Variants in SDK1 observed in about 807,000 individuals in gnomAD.
SDK1 encodes the protein sidekick cell adhesion molecule 1.
A neutral mutation model predicts 245.5 loss-of-function variants in SDK1; 157 were observed. The ratio of observed to expected loss-of-function variants is 0.64; its 90% CI spans 0.56 to 0.73. The LOEUF (loss-of-function observed/expected upper bound fraction) is 0.73. Ranked by LOEUF, SDK1 falls within the 30% of genes least tolerant of loss-of-function variation. SDK1 has a pLI of 0.00. For missense variants in SDK1, 3,583 were observed against 3,002.3 expected, an observed-to-expected ratio of 1.19 and a Z score of -4.52; for synonymous variants, 1,647 against 1,278.5, an observed-to-expected ratio of 1.29 and a Z score of -6.15.
intron 35 of SDK1, among the ~76,000 whole-genome samples, chr7:4,194,319 TGTATGC>T (rs1476426348): frequency 6.5e-4 from 76 of 116,794 alleles, no homozygotes; most frequent in African/African-American, 2.1e-3. Context: ...TATACATATA[TGTATGC>T]ACGTATGTGT....
chr7:4,152,701 G>A (rs1780466280), intron 30 of SDK1, among the ~76,000 whole-genome samples: 2 of 152,226 alleles, frequency 1.3e-5, no homozygotes, highest in South Asian at 2.1e-4. Context: ...TCCCAGGAAA[G>A]TGATATTTTG....
At chr7:3,931,250 T>TA (rs1779967425) in intron 5 of SDK1, among the ~76,000 whole-genome samples, 1 of 152,206 alleles carries the variant, frequency 6.6e-6, no homozygotes, top group Non-Finnish European at 1.5e-5. Context: ...ACCAAACACT[T>TA]AAAAGTGGTA....
chr7:3,996,303 G>A (rs992184721), intron 14 of SDK1, among the ~76,000 whole-genome samples: 2 of 152,104 alleles, frequency 1.3e-5, no homozygotes, highest in Non-Finnish European at 2.9e-5. Context: ...CTTCCAAAAG[G>A]TGTTTTAATA....
intron 17 of SDK1, among the ~76,000 whole-genome samples, chr7:4,046,335 AT>A (rs1412681327): frequency 6.6e-6 from 1 of 150,972 alleles, no homozygotes; most frequent in African/African-American, 2.4e-5. Flanking sequence ...AGCTTTATTC[AT>A]TTTTTTTCTT....
In SDK1 at chr7:4,175,684, G is replaced by A. The variant is rs147677127; in HGVS notation, c.4937-91G>A. 2.1e-4 allele frequency: 224 copies of A among 1,062,210 alleles called. No individual in the cohort carries two copies. The African/African-American group carries it at 3.2e-3, about 15-fold the overall frequency. 65.8% of individuals were successfully genotyped at this position (1,062,210 alleles called of 1,614,324 possible). A position where few individuals can be genotyped will look rare whatever the true frequency, so the allele number is the denominator to read the frequency against. On this transcript the variant is annotated intron_variant, in intron 33 of 44. Transcript: ENST00000404826. Reference sequence around the variant, plus strand: ...TGGGAAGTGGCTGGCATCCCAGTAAGGCACCTGTCTCCCTTGTTCCTGCCG... The same window carrying A: ...TGGGAAGTGGCTGGCATCCCAGTAAAGCACCTGTCTCCCTTGTTCCTGCCG...
chr7:3,336,787 G>C (rs1229006674), intron 1 of SDK1, among the ~76,000 whole-genome samples: 2 of 152,194 alleles, frequency 1.3e-5, no homozygotes, highest in African/African-American at 4.8e-5. Flanking sequence ...CACTTTGGCT[G>C]GGAAAGTGTC....
chr7:3,388,228 G>A (rs937836056), intron 1 of SDK1, among the ~76,000 whole-genome samples: 3 of 151,930 alleles, frequency 2.0e-5, no homozygotes. Context: ...TATAAATGCT[G>A]TGGATGTGTA....
At chr7:3,651,908 G>C (rs1341628763) in intron 4 of SDK1, among the ~76,000 whole-genome samples, 1 of 152,178 alleles carries the variant, frequency 6.6e-6, no homozygotes, top group African/African-American at 2.4e-5. Context: ...TGTCAGCTAA[G>C]CCAACGATCC....
intron 1 of SDK1, among the ~76,000 whole-genome samples, chr7:3,422,024 C>T (rs189431533): frequency 7.9e-5 from 12 of 152,044 alleles, no homozygotes; most frequent in South Asian, 2.1e-4. Context: ...AATAGCAGAC[C>T]GGATGGTTCT....
At chr7:3,548,652 T>G (rs1233431691) in intron 1 of SDK1, among the ~76,000 whole-genome samples, 1 of 152,210 alleles carries the variant, frequency 6.6e-6, no homozygotes, top group Admixed American at 6.5e-5. Flanking sequence ...ACTTCCAGAT[T>G]GCTCTCCAGA....
At chr7:4,189,081 T>A (rs555134714) in intron 35 of SDK1, among the ~76,000 whole-genome samples, 24 of 152,258 alleles carry the variant, frequency 1.6e-4, no homozygotes, top group African/African-American at 5.3e-4. Flanking sequence ...GCTCCTGGGA[T>A]TTTGATGGAA....
chr7:3,645,428 G>A lies in SDK1; in HGVS notation c.713+3323G>A, dbSNP rs74577769. ...ACCCCAAGTCTATTAAGTACCTGCTGTGCAAGATTACATAAATCAGTATGG... is the reference window on the plus strand; with the variant it reads ...ACCCCAAGTCTATTAAGTACCTGCTATGCAAGATTACATAAATCAGTATGG... On this transcript the variant is annotated intron_variant, in intron 4 of 44. Transcript: ENST00000404826. 7.9e-3 allele frequency among the ~76,000 whole-genome samples: 1,201 copies of A among 152,240 alleles called. 24 individuals carry two copies. The highest frequency in any genetic ancestry group is 0.028 in the African/African-American group (1,146 of 41,524).
Position 3,694,280 on chromosome 7 carries a change from G to C in SDK1, c.713+52175G>C, listed in dbSNP as rs114911868. Among the ~76,000 whole-genome samples, 172 of 152,274 alleles carry C rather than the reference G, an allele frequency of 1.1e-3. 1 individual carries two copies. Among genetic ancestry groups the C allele is most frequent in the African/African-American group, 4.0e-3 (167 of 41,562 alleles). On this transcript the variant is annotated intron_variant, in intron 4 of 44. Coordinates refer to ENST00000404826, the MANE Select transcript of SDK1 (RefSeq NM_152744.4). Reference sequence around the variant, plus strand: ...AAGGCGAATCTAAGAGATGGCCACCGGGAGGTCACTTCCCCTCCTAGGTTG... The same window carrying C: ...AAGGCGAATCTAAGAGATGGCCACCCGGAGGTCACTTCCCCTCCTAGGTTG...
chr7:3,620,477 A>G (rs986693176), intron 2 of SDK1, among the ~76,000 whole-genome samples: 4 of 151,890 alleles, frequency 2.6e-5, no homozygotes, highest in Non-Finnish European at 4.4e-5. Flanking sequence ...TAATTTTTGT[A>G]TTTTTAGTAG....
chr7:3,776,211 G>T (rs956890917), intron 4 of SDK1, among the ~76,000 whole-genome samples: 3 of 152,250 alleles, frequency 2.0e-5, no homozygotes, highest in African/African-American at 7.2e-5. Context: ...GGAGCTGTCT[G>T]TCTTCAGAAG....
rs1190713926 is a variant in SDK1, at chr7:3,695,414, C to T, written c.713+53309C>T. 3.3e-5 allele frequency among the ~76,000 whole-genome samples: 5 copies of T among 152,180 alleles called. No homozygotes were observed. In the East Asian group the frequency reaches 9.7e-4, roughly 29 times the overall value. ...TCATAATCCTGTTTTCTATAGGCAC[C>T]CATAAGCATTTTCTCATGTCTTCTC... On this transcript the variant is annotated intron_variant, in intron 4 of 44. Transcript: ENST00000404826.
In SDK1 at chr7:3,418,145, G is replaced by GAAAAAAAAAAAAAAAA. The variant is rs200914826; in HGVS notation, c.298+116269_298+116284dup. On this transcript the variant is annotated intron_variant, in intron 1 of 44. Coordinates refer to ENST00000404826, the MANE Select transcript of SDK1 (RefSeq NM_152744.4). ...GTGAAACCCGATCTCTACTAAAAAT[G>GAAAAAAAAAAAAAAAA]AAAAAAAAAAAAAAAAAAAAAAATA... Among the ~76,000 whole-genome samples the GAAAAAAAAAAAAAAAA allele has an allele frequency of 3.3e-4, 40 of 119,714 alleles. 1 individual carries two copies. The highest frequency in any genetic ancestry group is 1.4e-3 in the African/African-American group (35 of 25,774). The allele number at this position is 119,714 out of a possible 152,430, so 78.5% of individuals were successfully genotyped here.
intron 4 of SDK1, among the ~76,000 whole-genome samples, chr7:3,678,210 G>A (rs1345920474): frequency 6.6e-6 from 1 of 152,202 alleles, no homozygotes; most frequent in African/African-American, 2.4e-5. Context: ...AGCCACCGTG[G>A]AAGACCGTTG....
At chr7:3,376,183 T>A (rs1466577528) in intron 1 of SDK1, among the ~76,000 whole-genome samples, 2 of 152,002 alleles carry the variant, frequency 1.3e-5, no homozygotes, top group African/African-American at 4.8e-5. Flanking sequence ...GGTGACAGAG[T>A]GAGACCCTGC....
Sources: allele counts gnomAD v4.1 joint callset (sites outside exome capture counted in the v4.1 genomes callset), GRCh38; gene constraint gnomAD v4.1.1; transcripts MANE v1.5; gene names NCBI Gene and HGNC (gene_info 2026-07-23, HGNC 2026-07-21).